Variants in DCC observed in about 807,000 individuals in gnomAD.
DCC encodes netrin receptor DCC.
A neutral mutation model predicts 172.5 loss-of-function variants in DCC; 58 were observed. The observed-to-expected ratio is 0.34, with a 90% CI of 0.27 to 0.42. DCC has a LOEUF of 0.42. Ranked by LOEUF, DCC falls within the 10% of genes least tolerant of loss-of-function variation. The pLI, the probability that DCC is intolerant of heterozygous loss-of-function variation, is 1.00. For synonymous variants in DCC, 709 were observed against 644.5 expected, an observed-to-expected ratio of 1.10 and a Z score of -1.52; for missense variants, 1,740 against 1,791.0, an observed-to-expected ratio of 0.97 and a Z score of 0.51.
chr18:53,484,792 A>G (rs543412135), intron 25 of DCC, among the ~76,000 whole-genome samples: 94 of 152,154 alleles, frequency 6.2e-4, no homozygotes, highest in African/African-American at 2.1e-3. Context: ...TTTCATAGAA[A>G]TTTTAAGATT....
intron 7 of DCC, among the ~76,000 whole-genome samples, chr18:53,123,659 A>G (rs987744754): frequency 3.6e-4 from 55 of 152,138 alleles, no homozygotes; most frequent in African/African-American, 1.3e-3. Flanking sequence ...ATTTCTGCCA[A>G]TTAGGTCATA....
intron 27 of DCC, among the ~76,000 whole-genome samples, chr18:53,515,746 T>C (rs1313285919): frequency 2.0e-5 from 3 of 151,704 alleles, no homozygotes; most frequent in Admixed American, 2.0e-4. Context: ...TTACAAGGGA[T>C]GTGAAGGACC....
At chr18:52,501,877 T>A (rs534735041) in intron 1 of DCC, among the ~76,000 whole-genome samples, 1 of 152,206 alleles carries the variant, frequency 6.6e-6, no homozygotes, top group African/African-American at 2.4e-5. Context: ...TTTCTCATTA[T>A]CTGTGGGCAG....
At chr18:52,567,234 T>C (rs906945100) in intron 1 of DCC, among the ~76,000 whole-genome samples, 1 of 152,132 alleles carries the variant, frequency 6.6e-6, no homozygotes, top group Non-Finnish European at 1.5e-5. Context: ...GAAACCAATT[T>C]GATATGGTCA....
chr18:53,244,395 T>A (rs2056341496), intron 12 of DCC, among the ~76,000 whole-genome samples: 1 of 152,182 alleles, frequency 6.6e-6, no homozygotes, highest in African/African-American at 2.4e-5. Flanking sequence ...AGTACAGATA[T>A]GTTTTGGTGA....
intron 12 of DCC, among the ~76,000 whole-genome samples, chr18:53,244,554 T>C (rs150514961): frequency 4.6e-5 from 7 of 152,274 alleles, no homozygotes; most frequent in Non-Finnish European, 8.8e-5. Flanking sequence ...GGGATTTGAC[T>C]TGACTGAAGA....
At chr18:53,407,393 A>G (rs1247712677) in intron 19 of DCC, among the ~76,000 whole-genome samples, 3 of 151,050 alleles carry the variant, frequency 2.0e-5, no homozygotes, top group Non-Finnish European at 4.4e-5. Flanking sequence ...ATGGCTCCTG[A>G]ACTAAAGAAA....
chr18:52,419,006 G>A (rs535010396), intron 1 of DCC, among the ~76,000 whole-genome samples: 6 of 151,756 alleles, frequency 4.0e-5, no homozygotes, highest in Non-Finnish European at 8.8e-5. Context: ...GATTACAGGT[G>A]CACGCCACCA....
At chr18:53,456,767 G>T (rs1400133210) in intron 23 of DCC, among the ~76,000 whole-genome samples, 2 of 152,172 alleles carry the variant, frequency 1.3e-5, no homozygotes, top group African/African-American at 4.8e-5. Context: ...TACACATTTC[G>T]AAGAATCTAA....
intron 2 of DCC, chr18:52,818,239 G>T (rs2038338929): frequency 1.4e-5 from 2 of 146,154 alleles, no homozygotes; most frequent in Admixed American, 1.4e-4. Context: ...AATTAGCTGA[G>T]TATGGTGACA....
At chr18:52,618,785 C>T (rs1273859585) in intron 1 of DCC, among the ~76,000 whole-genome samples, 2 of 152,052 alleles carry the variant, frequency 1.3e-5, no homozygotes, top group African/African-American at 2.4e-5. Flanking sequence ...TCAGAAGCGC[C>T]CCCAGACTTT....
At chr18:52,827,446 A>G (rs983275334) in intron 2 of DCC, among the ~76,000 whole-genome samples, 3 of 152,242 alleles carry the variant, frequency 2.0e-5, no homozygotes, top group Non-Finnish European at 4.4e-5. Context: ...AGAATTCTTA[A>G]GCAACTTCTC....
At chr18:53,191,431 T>G (rs2055365149) in intron 9 of DCC, among the ~76,000 whole-genome samples, 1 of 146,240 alleles carries the variant, frequency 6.8e-6, no homozygotes, top group African/African-American at 2.5e-5. Flanking sequence ...CCTCATATTT[T>G]TATAGTATTT....
chr18:52,790,533 T>TA (rs769790055), intron 2 of DCC, among the ~76,000 whole-genome samples: 38 of 152,132 alleles, frequency 2.5e-4, no homozygotes, highest in Non-Finnish European at 4.7e-4. Flanking sequence ...AGAAGCATTT[T>TA]AAGGTTTGGA....
chr18:53,255,957 T>C (rs1289873657), intron 12 of DCC, among the ~76,000 whole-genome samples: 5 of 152,240 alleles, frequency 3.3e-5, no homozygotes, highest in African/African-American at 9.6e-5. Flanking sequence ...ATTTGCCTGA[T>C]AGCCAGTGAT....
intron 1 of DCC, among the ~76,000 whole-genome samples, chr18:52,739,701 C>T (rs370001912): frequency 6.6e-6 from 1 of 152,200 alleles, no homozygotes; most frequent in Non-Finnish European, 1.5e-5. Flanking sequence ...AAGGTACTAC[C>T]GGAAATCACA....
At chr18:53,212,212 T>A (rs9944991) in intron 11 of DCC, among the ~76,000 whole-genome samples, 6,845 of 152,246 alleles carry the variant, frequency 0.045, 193 homozygotes, top group East Asian at 0.11. Context: ...CAAGCCAACA[T>A]CCTTCTCCAT....
At chr18:53,380,897 A>G (rs1907677890) in intron 15 of DCC, among the ~76,000 whole-genome samples, 1 of 152,170 alleles carries the variant, frequency 6.6e-6, no homozygotes, top group Admixed American at 6.5e-5. Context: ...GATCTTCTCT[A>G]AGATGTGCAC....
chr18:53,430,037 C>A (rs1303116964), intron 21 of DCC, among the ~76,000 whole-genome samples: 1 of 152,100 alleles, frequency 6.6e-6, no homozygotes, highest in East Asian at 1.9e-4. Context: ...CAGCCTCTGA[C>A]AAATCACCTA....
Sources: gnomAD v4.1 joint callset for allele counts (sites outside exome capture counted in the v4.1 genomes callset) on GRCh38, gnomAD v4.1.1 for gene constraint, MANE v1.5 for transcripts, NCBI Gene and HGNC (gene_info 2026-07-23, HGNC 2026-07-21) for gene names.